CDC42SE2: variants seen among roughly 807,000 people sequenced by gnomAD.
The protein encoded by CDC42SE2 is CDC42 small effector protein 2.
In CDC42SE2, 3 loss-of-function variants were observed where a neutral mutation model predicts 11.5. The ratio of observed to expected loss-of-function variants is 0.26; its 90% CI spans 0.12 to 0.67. The LOEUF (loss-of-function observed/expected upper bound fraction) is 0.67, where lower values mean the gene tolerates loss of function less well. CDC42SE2 is among the 30% of genes least tolerant of loss of function. The pLI is 0.80. For synonymous variants in CDC42SE2, 33 were observed against 34.8 expected (o/e 0.95, Z 0.18); for missense variants, 82 against 106.8 (o/e 0.77, Z 1.02).
intron 1 of CDC42SE2, among the ~76,000 whole-genome samples, chr5:131,266,559 G>A (rs776552891): frequency 4.7e-5 from 7 of 150,320 alleles, no homozygotes; most frequent in South Asian, 2.1e-4. Flanking sequence ...TTTGGGGCTC[G>A]AGCTATTCTC....
intron 1 of CDC42SE2, among the ~76,000 whole-genome samples, chr5:131,314,316 C>T (rs1320810016): frequency 1.3e-5 from 2 of 150,850 alleles, no homozygotes; most frequent in African/African-American, 2.4e-5. Flanking sequence ...ACTGTAACCT[C>T]GAACTCTTGG....
intron 1 of CDC42SE2, among the ~76,000 whole-genome samples, chr5:131,249,860 A>G (rs6879194): frequency 0.04 from 6,153 of 152,096 alleles, 395 homozygotes; most frequent in African/African-American, 0.14. Context: ...TCCAGTCTGG[A>G]CAACAGAGTG....
At chr5:131,224,274 A>G in the CDC42SE2 span, among the ~76,000 whole-genome samples, 64 of 152,326 alleles carry the variant, frequency 4.2e-4, no homozygotes, top group Admixed American at 7.2e-4. Flanking sequence ...CTAACTATCT[A>G]GTCAACATCT....
chr5:131,270,560 G>A (rs1052611567), intron 1 of CDC42SE2, among the ~76,000 whole-genome samples: 3 of 152,160 alleles, frequency 2.0e-5, no homozygotes, highest in Non-Finnish European at 4.4e-5. Flanking sequence ...AAGGTTTAAT[G>A]GGTGGAACTT....
chr5:131,313,496 G>T (rs1218261957), intron 1 of CDC42SE2, among the ~76,000 whole-genome samples: 1 of 152,086 alleles, frequency 6.6e-6, no homozygotes, highest in East Asian at 1.9e-4. Context: ...TTTACCTTTA[G>T]GTCTGTGATT....
intron 2 of CDC42SE2, among the ~76,000 whole-genome samples, chr5:131,332,976 G>T (rs1375249141): frequency 6.6e-6 from 1 of 152,148 alleles, no homozygotes; most frequent in Non-Finnish European, 1.5e-5. Flanking sequence ...AGTTTAATTA[G>T]ATCCCATTTA....
chr5:131,216,512 A>AAAACAAC, the CDC42SE2 span, among the ~76,000 whole-genome samples: 3 of 149,114 alleles, frequency 2.0e-5, no homozygotes, highest in African/African-American at 7.5e-5. Flanking sequence ...AAAAAAAAAA[A>AAAACAAC]AAAAAAAAAA....
intron 2 of CDC42SE2, among the ~76,000 whole-genome samples, chr5:131,319,051 G>C (rs755597377): frequency 6.6e-6 from 1 of 152,162 alleles, no homozygotes; most frequent in Middle Eastern, 3.4e-3. Context: ...ACAGGTGCCC[G>C]CCACCACTCC....
At position 131,258,514 on chromosome 5, in the gene CDC42SE2, CCTAA is replaced by C. The variant is rs527632629; in HGVS notation, n.242+3288_242+3291del. 3.0e-3 allele frequency among the ~76,000 whole-genome samples: 463 copies of C among 152,124 alleles called. 3 individuals are homozygous for C. Among genetic ancestry groups the C allele is most frequent in the African/African-American group, 0.01 (433 of 41,492 alleles). ...TCCCCAGAGGCATTTTGTTACAATT[CCTAA>C]CTTTTTTTTTTGAGGTGAGGGGCTG... On this transcript the variant is annotated intron_variant and non_coding_transcript_variant, in intron 2 of 3. Coordinates refer to the CDC42SE2 transcript ENST00000502840.
chr5:131,337,801 T>G (rs1015638740), intron 2 of CDC42SE2, among the ~76,000 whole-genome samples: 1 of 152,268 alleles, frequency 6.6e-6, no homozygotes, highest in Non-Finnish European at 1.5e-5. Context: ...GTGTGCCGTT[T>G]GTGAAGCCCG....
upstream of CDC42SE2, among the ~76,000 whole-genome samples, chr5:131,244,649 T>G (rs928148834): frequency 7.2e-5 from 11 of 152,088 alleles, 1 homozygote; most frequent in Admixed American, 5.9e-4. Flanking sequence ...AGGCAGAAGT[T>G]GCAGTGAGCT....
At chr5:131,346,206 G>T (rs113935059) in intron 2 of CDC42SE2, among the ~76,000 whole-genome samples, 4,886 of 152,160 alleles carry the variant, frequency 0.032, 202 homozygotes, top group African/African-American at 0.097. Context: ...ACACAGACTG[G>T]CAAATTGGAT....
At chr5:131,285,878 A>T (rs1158026248) in intron 1 of CDC42SE2, among the ~76,000 whole-genome samples, 1 of 152,108 alleles carries the variant, frequency 6.6e-6, no homozygotes, top group Non-Finnish European at 1.5e-5. Flanking sequence ...TTAGGCTATC[A>T]CAATTGTTTC....
At chr5:131,367,471 T>C (rs1749894621) in intron 3 of CDC42SE2, among the ~76,000 whole-genome samples, 8 of 152,238 alleles carry the variant, frequency 5.3e-5, no homozygotes, top group Admixed American at 5.2e-4. Context: ...TAATGTGGTA[T>C]AGTTTCACTT....
chr5:131,319,196 A>G (rs1337249128), intron 2 of CDC42SE2, among the ~76,000 whole-genome samples: 1 of 152,070 alleles, frequency 6.6e-6, no homozygotes, highest in African/African-American at 2.4e-5. Context: ...GGTGTAAGGT[A>G]GGAGAAAGGT....
chr5:131,238,780 T>C, the CDC42SE2 span, among the ~76,000 whole-genome samples: 1 of 152,102 alleles, frequency 6.6e-6, no homozygotes, highest in Non-Finnish European at 1.5e-5. Context: ...TCTAGAAATT[T>C]TATGTTTTTC....
intron 1 of CDC42SE2, among the ~76,000 whole-genome samples, chr5:131,287,896 A>AT (rs201219098): frequency 2.0e-5 from 3 of 151,640 alleles, no homozygotes; most frequent in African/African-American, 4.8e-5. Flanking sequence ...TTAATATGTA[A>AT]TTTTTTTTCT....
the CDC42SE2 span, among the ~76,000 whole-genome samples, chr5:131,215,065 G>C: frequency 6.6e-6 from 1 of 152,176 alleles, no homozygotes; most frequent in Non-Finnish European, 1.5e-5. Context: ...AAAGAAAAAT[G>C]ACAAATCCAT....
chr5:131,300,063 T>G (rs1454876225), intron 1 of CDC42SE2, among the ~76,000 whole-genome samples: 1 of 152,232 alleles, frequency 6.6e-6, no homozygotes, highest in East Asian at 1.9e-4. Flanking sequence ...TCTTGGAGTT[T>G]CCTGTTAAAG....
Sources: allele counts gnomAD v4.1 joint callset (sites outside exome capture counted in the v4.1 genomes callset), GRCh38; gene constraint gnomAD v4.1.1; transcripts MANE v1.5; gene names NCBI Gene and HGNC (gene_info 2026-07-23, HGNC 2026-07-21).